The following SRGAP3 variants were observed in gnomAD, a reference collection of about 807,000 sequenced individuals.
SRGAP3 encodes SLIT-ROBO Rho GTPase activating protein 3, also known as SLIT-ROBO Rho GTPase-activating protein 3.
A neutral mutation model predicts 121.1 loss-of-function variants in SRGAP3; 39 were observed. That is an observed-to-expected ratio of 0.32 (90% confidence interval 0.25 to 0.42). The LOEUF (loss-of-function observed/expected upper bound fraction) is 0.42, where lower values mean the gene tolerates loss of function less well. Among genes scored for constraint, SRGAP3 ranks in the 10% least tolerant of loss-of-function variants. SRGAP3 has a pLI of 1.00. For synonymous variants in SRGAP3, 601 were observed against 570.0 expected (o/e 1.05, Z -0.77); for missense variants, 1,213 against 1,470.6 (o/e 0.82, Z 2.86).
intron 4 of SRGAP3, among the ~76,000 whole-genome samples, chr3:9,066,991 G>C (rs927007532): frequency 6.6e-6 from 1 of 152,130 alleles, no homozygotes; most frequent in Non-Finnish European, 1.5e-5. Flanking sequence ...CAACCTCTCT[G>C]ACCTCTGCTT....
At chr3:9,353,365 G>T (rs1009519382) in intron 1 of SRGAP3, among the ~76,000 whole-genome samples, 5 of 152,210 alleles carry the variant, frequency 3.3e-5, no homozygotes, top group Non-Finnish European at 7.4e-5. Context: ...AGGTGGCAGG[G>T]GTGCTGCATT....
At position 9,338,305 on chromosome 3, in the gene SRGAP3, G is replaced by C. The variant is rs558368522; in HGVS notation, n.215-7709C>G. Among the ~76,000 whole-genome samples, 13 of 152,296 alleles carry C rather than the reference G, an allele frequency of 8.5e-5. No homozygotes were observed. In the South Asian group the frequency reaches 2.7e-3, roughly 32 times the overall value. ...TAGAAACCTCCACAGTTTGGAGCTT[G>C]GTAGGTGAAAGACTAAATAGCCACC... is the stretch of plus-strand genomic sequence containing the variant. On this transcript the variant is annotated intron_variant and non_coding_transcript_variant, in intron 1 of 3. Transcript: ENST00000490889.
chr3:8,994,142 CAGA>C (rs1297619938), intron 19 of SRGAP3, 198 bp downstream of exon 19: 3 of 715,900 alleles, frequency 4.2e-6, no homozygotes, highest in Non-Finnish European at 7.0e-6. Flanking sequence ...TCTGTGTGCT[CAGA>C]AGGAGGAATT....
At chr3:9,007,643 C>T (rs918629482) in intron 18 of SRGAP3, 5 of 152,124 alleles carry the variant, frequency 3.3e-5, no homozygotes, top group South Asian at 2.1e-4. Flanking sequence ...TCTTATCCAC[C>T]TCCCTGTCCC....
intron 3 of SRGAP3, among the ~76,000 whole-genome samples, chr3:9,082,815 C>A (rs1947303756): frequency 2.0e-5 from 3 of 152,186 alleles, no homozygotes; most frequent in Admixed American, 1.3e-4. Context: ...GATGCCTTCT[C>A]AGGCTCCTTC....
rs1317462902 is a variant in SRGAP3 at position 8,982,119 on chromosome 3, C to T, written c.*3400G>A. 4.4e-6 allele frequency: 1 copy of T among 226,316 alleles called. No individual in the cohort carries two copies. The highest frequency in any genetic ancestry group is 8.8e-6 in the Non-Finnish European group (1 of 113,584). 14.0% of individuals were successfully genotyped at this position (226,316 alleles called of 1,614,324 possible). A position where few individuals can be genotyped will look rare whatever the true frequency, so the allele number is the denominator to read the frequency against. The stretch of plus-strand genomic sequence containing the variant: ...AAGCTCTTTAGTGGCAGCTGAGCCA[C>T]AAGGCCCAGGAAACTAGACCAGGAA... On this transcript the variant is annotated 3_prime_UTR_variant, in exon 22 of 22. Coordinates refer to ENST00000383836, the MANE Select transcript of SRGAP3 (RefSeq NM_014850.4).
intron 10 of SRGAP3, among the ~76,000 whole-genome samples, chr3:9,045,575 G>T (rs554195727): frequency 6.6e-6 from 1 of 152,072 alleles, no homozygotes; most frequent in Non-Finnish European, 1.5e-5. Flanking sequence ...CATCATTTGA[G>T]TTGGGAACAC....
intron 14 of SRGAP3, among the ~76,000 whole-genome samples, chr3:9,023,944 G>A (rs945980297): frequency 1.3e-5 from 2 of 152,330 alleles, no homozygotes; most frequent in Admixed American, 6.5e-5. Flanking sequence ...CCTGGGGGCC[G>A]TGGCAGTACT....
chr3:9,358,188 C>T (rs1361479105), intron 1 of SRGAP3, among the ~76,000 whole-genome samples: 1 of 152,102 alleles, frequency 6.6e-6, no homozygotes, highest in Admixed American at 6.6e-5. Context: ...CCAGAACATT[C>T]TCATCACTTC....
chr3:9,278,406 G>A (rs79238801), intron 3 of SRGAP3, among the ~76,000 whole-genome samples: 3,093 of 152,284 alleles, frequency 0.02, 96 homozygotes, highest in African/African-American at 0.07. Flanking sequence ...CCTTGAAGCA[G>A]AGAGTCCCAC....
chr3:9,185,910 T>C (rs1031660929), intron 1 of SRGAP3, among the ~76,000 whole-genome samples: 7 of 152,094 alleles, frequency 4.6e-5, no homozygotes, highest in Non-Finnish European at 7.3e-5. Flanking sequence ...GATGCCAAGA[T>C]TGATTGTTCC....
At chr3:9,167,307 A>C (rs116684635) in intron 1 of SRGAP3, among the ~76,000 whole-genome samples, 2,582 of 152,240 alleles carry the variant, frequency 0.017, 72 homozygotes, top group African/African-American at 0.057. Flanking sequence ...GCCCTGACTC[A>C]TCCTGCTGGT....
At chr3:8,999,070 A>G (rs762734472) in intron 18 of SRGAP3, among the ~76,000 whole-genome samples, 12 of 152,256 alleles carry the variant, frequency 7.9e-5, no homozygotes, top group Non-Finnish European at 1.3e-4. Context: ...TGTTTGATGC[A>G]ATTCAACTCC....
intron 2 of SRGAP3, among the ~76,000 whole-genome samples, chr3:9,111,531 G>C (rs999341154): frequency 2.0e-5 from 3 of 152,198 alleles, no homozygotes; most frequent in African/African-American, 4.8e-5. Flanking sequence ...GAGTGAGGCT[G>C]GAGGGGCCTG....
In SRGAP3 at chr3:9,221,881, A is replaced by G. The variant is rs557214966; in HGVS notation, c.67+27004T>C. Among the ~76,000 whole-genome samples the G allele has an allele frequency of 4.0e-4, 61 of 152,256 alleles. No individual in the cohort carries two copies. In the South Asian group the frequency reaches 7.5e-3, roughly 19 times the overall value. On this transcript the variant is annotated intron_variant, in intron 1 of 21. Transcript: ENST00000383836. ...CACATGTGACATTGTCATTACTACT[A>G]TGTATTGGTTTTATTTCCCAACTCA...
chr3:9,232,457 C>T (rs1358980151), intron 1 of SRGAP3, among the ~76,000 whole-genome samples: 1 of 152,094 alleles, frequency 6.6e-6, no homozygotes, highest in Non-Finnish European at 1.5e-5. Flanking sequence ...CGTCAAAAAC[C>T]AAAGACTCTT....
intron 1 of SRGAP3, among the ~76,000 whole-genome samples, chr3:9,170,399 C>T (rs545197365): frequency 4.6e-5 from 7 of 152,020 alleles, no homozygotes; most frequent in Non-Finnish European, 8.8e-5. Context: ...AGTAGTAGTG[C>T]GGGGAGCAGC....
At chr3:9,221,909 T>A (rs1271518051) in intron 1 of SRGAP3, among the ~76,000 whole-genome samples, 2 of 152,258 alleles carry the variant, frequency 1.3e-5, no homozygotes, top group African/African-American at 4.8e-5. Flanking sequence ...CCAACTCATT[T>A]ATAAATGTCG....
rs772781725 is a variant in SRGAP3 at position 8,994,398 on chromosome 3, G to A, written c.2353C>T (p.Arg785Trp). The A allele has an allele frequency of 1.8e-5, 29 of 1,614,076 alleles. No homozygotes were observed. Among genetic ancestry groups the A allele is most frequent in the Non-Finnish European group, 2.3e-5 (27 of 1,180,052 alleles). ...ATGAGTCCATCCACGCCGTTGTGCCGGCCCTCCCACCAGTCCTCCGAGGCG... is the reference window on the plus strand; with the variant it reads ...ATGAGTCCATCCACGCCGTTGTGCCAGCCCTCCCACCAGTCCTCCGAGGCG... ...HRASEDWWEG[R>W]HNGVDGLIPH... The change falls in exon 19 of 22, where the codon CGG (arginine) becomes TGG (tryptophan). Residue 785 changes from arginine to tryptophan, a missense_variant. Physicochemically the swap from Arg to Trp is moderately radical, Grantham distance 101 (BLOSUM62 -3). This residue lies in a region of SRGAP3 where 793 missense variants were observed against 1,032.9 expected (regional missense o/e 0.77). Coordinates refer to ENST00000383836, the MANE Select transcript of SRGAP3 (RefSeq NM_014850.4).
Sources: allele counts gnomAD v4.1 joint callset (sites outside exome capture counted in the v4.1 genomes callset), GRCh38; gene constraint gnomAD v4.1.1; regional missense constraint gnomAD v4.1.1; transcripts MANE v1.5; gene names NCBI Gene and HGNC (gene_info 2026-07-23, HGNC 2026-07-21).